PDE4B: variants seen among roughly 807,000 people sequenced by gnomAD.
PDE4B encodes 3',5'-cyclic-AMP phosphodiesterase 4B.
Under a neutral mutation model 82.2 loss-of-function variants are expected in PDE4B, and 20 were observed. That is an observed-to-expected ratio of 0.24 (90% confidence interval 0.17 to 0.35). PDE4B has a LOEUF of 0.35. Ranked by LOEUF, PDE4B falls within the 10% of genes least tolerant of loss-of-function variation. The pLI is 1.00. For missense variants in PDE4B, 655 were observed against 907.2 expected (o/e 0.72, Z 3.57); for synonymous variants, 320 against 318.9 (o/e 1.00, Z -0.04).
At chr1:66,314,854 C>T (rs1658919310) in intron 7 of PDE4B, among the ~76,000 whole-genome samples, 1 of 152,260 alleles carries the variant, frequency 6.6e-6, no homozygotes, top group Non-Finnish European at 1.5e-5. Flanking sequence ...TTCACAAACA[C>T]TTATGAAGTA....
chr1:66,206,249 G>A (rs1420849696), intron 3 of PDE4B, among the ~76,000 whole-genome samples: 1 of 152,136 alleles, frequency 6.6e-6, no homozygotes, highest in Non-Finnish European at 1.5e-5. Flanking sequence ...TTACCCTACA[G>A]GAGTGATATT....
At chr1:66,276,111 T>C (rs188508425) in intron 7 of PDE4B, among the ~76,000 whole-genome samples, 2 of 152,206 alleles carry the variant, frequency 1.3e-5, no homozygotes, top group African/African-American at 4.8e-5. Flanking sequence ...ATAAACTAGA[T>C]AATGTCCAAA....
chr1:66,012,427 T>C (rs769758381), intron 3 of PDE4B, among the ~76,000 whole-genome samples: 1 of 152,126 alleles, frequency 6.6e-6, no homozygotes, highest in African/African-American at 2.4e-5. Context: ...TTTAAAACTT[T>C]GGATTTGTTT....
chr1:65,829,220 C>CAG (rs1439036789), intron 1 of PDE4B, among the ~76,000 whole-genome samples: 1 of 152,092 alleles, frequency 6.6e-6, no homozygotes, highest in African/African-American at 2.4e-5. Flanking sequence ...CAGAGACAAA[C>CAG]AGAGGCATTG....
intron 3 of PDE4B, among the ~76,000 whole-genome samples, chr1:66,157,021 G>A (rs536949696): frequency 1.4e-4 from 22 of 152,246 alleles, no homozygotes; most frequent in African/African-American, 5.1e-4. Context: ...CTCTAAACTT[G>A]TGTAGCCAAC....
rs542216739 is a variant in PDE4B, at chr1:66,232,986, A to G, written c.282-14474A>G. Among the ~76,000 whole-genome samples the G allele has an allele frequency of 4.6e-5, 7 of 152,334 alleles. 1 individual carries two copies. The highest frequency in any genetic ancestry group is 1.4e-4 in the African/African-American group (6 of 41,586). On this transcript the variant is annotated intron_variant, in intron 3 of 16. Coordinates refer to ENST00000341517, the MANE Select transcript of PDE4B (RefSeq NM_002600.4). Reference sequence around the variant, plus strand: ...ACAAGTCTTTTTAAAACACGTATTTATAAGGTACAAATGACATGCCAAAAA... The same window carrying G: ...ACAAGTCTTTTTAAAACACGTATTTGTAAGGTACAAATGACATGCCAAAAA...
At chr1:66,119,750 C>T (rs1026886739) in intron 3 of PDE4B, among the ~76,000 whole-genome samples, 1 of 152,152 alleles carries the variant, frequency 6.6e-6, no homozygotes, top group Non-Finnish European at 1.5e-5. Flanking sequence ...TTACCTTATT[C>T]AGAAATAAGG....
intron 1 of PDE4B, among the ~76,000 whole-genome samples, chr1:65,898,540 G>A (rs1170036221): frequency 2.0e-5 from 3 of 152,036 alleles, no homozygotes; most frequent in Admixed American, 6.6e-5. Context: ...AAATCTGGAG[G>A]CACCACATTA....
intron 3 of PDE4B, among the ~76,000 whole-genome samples, chr1:66,115,532 A>G (rs1236702434): frequency 6.6e-6 from 1 of 152,256 alleles, no homozygotes; most frequent in Non-Finnish European, 1.5e-5. Flanking sequence ...TTAACCTTGC[A>G]TAAAAGTTAA....
At chr1:66,194,205 A>G (rs1286867846) in intron 3 of PDE4B, among the ~76,000 whole-genome samples, 3 of 151,976 alleles carry the variant, frequency 2.0e-5, no homozygotes, top group Non-Finnish European at 4.4e-5. Context: ...TTTCTTCACA[A>G]TTTCTTTGTG....
Position 66,029,882 on chromosome 1 carries a change from T to C in PDE4B, c.281+111047T>C, listed in dbSNP as rs191015296. ...GATTATAACAATAAATGATCTTTGC[T>C]AGATATACAAAGGTACTTTCAAGCA... On this transcript the variant is annotated intron_variant, in intron 3 of 16. Coordinates refer to ENST00000341517, the MANE Select transcript of PDE4B (RefSeq NM_002600.4). Among the ~76,000 whole-genome samples the C allele has an allele frequency of 1.5e-3, 225 of 152,342 alleles. 2 individuals are homozygous for C. Among genetic ancestry groups the C allele is most frequent in the African/African-American group, 5.1e-3 (211 of 41,578 alleles).
intron 3 of PDE4B, among the ~76,000 whole-genome samples, chr1:66,002,128 A>G (rs1423728428): frequency 6.6e-6 from 1 of 152,054 alleles, no homozygotes. Flanking sequence ...ATTATTCTGT[A>G]TGTGTGAGGG....
chr1:66,188,067 T>C (rs1290971915), intron 3 of PDE4B, among the ~76,000 whole-genome samples: 1 of 149,874 alleles, frequency 6.7e-6, no homozygotes, highest in African/African-American at 2.5e-5. Flanking sequence ...AGAACATCTT[T>C]ATTTCTGCCT....
intron 3 of PDE4B, among the ~76,000 whole-genome samples, chr1:66,070,876 A>G (rs1656121351): frequency 2.6e-5 from 4 of 152,076 alleles, no homozygotes; most frequent in Admixed American, 2.6e-4. Context: ...ATAAATTCAC[A>G]GGAATTCAGG....
intron 3 of PDE4B, among the ~76,000 whole-genome samples, chr1:66,038,692 G>A (rs1046972449): frequency 6.6e-6 from 1 of 152,024 alleles, no homozygotes; most frequent in Non-Finnish European, 1.5e-5. Flanking sequence ...TTTGTAAATA[G>A]GCTCTTGAAC....
At chr1:65,826,816 G>A (rs117941530) in intron 1 of PDE4B, among the ~76,000 whole-genome samples, 4 of 152,164 alleles carry the variant, frequency 2.6e-5, no homozygotes, top group African/African-American at 7.2e-5. Context: ...TGTGACCCAG[G>A]TTCACAATGC....
At chr1:66,134,770 C>T (rs1646021452) in intron 3 of PDE4B, among the ~76,000 whole-genome samples, 2 of 152,164 alleles carry the variant, frequency 1.3e-5, no homozygotes, top group Non-Finnish European at 2.9e-5. Context: ...TTCCTTTTCT[C>T]CAAAACTGTT....
chr1:66,060,584 A>G (rs1374596578), intron 3 of PDE4B, among the ~76,000 whole-genome samples: 4 of 152,222 alleles, frequency 2.6e-5, no homozygotes, highest in African/African-American at 9.6e-5. Flanking sequence ...TGTATTGATT[A>G]CATGCTGAAA....
chr1:66,314,365 T>C (rs898011849), intron 7 of PDE4B, among the ~76,000 whole-genome samples: 1 of 152,176 alleles, frequency 6.6e-6, no homozygotes, highest in African/African-American at 2.4e-5. Context: ...TCCAAACTTC[T>C]TGGTCTCATT....
Sources: allele counts gnomAD v4.1 joint callset (sites outside exome capture counted in the v4.1 genomes callset), GRCh38; gene constraint gnomAD v4.1.1; transcripts MANE v1.5; gene names NCBI Gene and HGNC (gene_info 2026-07-23, HGNC 2026-07-21).